The following SBF2 variants were observed in gnomAD, a reference collection of about 807,000 sequenced individuals.
The protein encoded by SBF2 is myotubularin-related protein 13.
A neutral mutation model predicts 225.2 loss-of-function variants in SBF2; 112 were observed. That is an observed-to-expected ratio of 0.50 (90% CI 0.43 to 0.58). SBF2 has a LOEUF of 0.58. Ranked by LOEUF, SBF2 falls within the 20% of genes least tolerant of loss-of-function variation. SBF2 has a pLI of 0.00. For synonymous variants in SBF2, 763 were observed against 773.3 expected, an observed-to-expected ratio of 0.99 and a Z score of 0.22; for missense variants, 1,996 against 2,206.2, an observed-to-expected ratio of 0.90 and a Z score of 1.91.
chr11:10,249,502 C>T (rs919050162), intron 1 of SBF2, among the ~76,000 whole-genome samples: 2 of 150,852 alleles, frequency 1.3e-5, no homozygotes, highest in African/African-American at 4.9e-5. Flanking sequence ...AAAGCTAAGT[C>T]TTCCCTCTAT....
intron 2 of SBF2, among the ~76,000 whole-genome samples, chr11:10,054,959 G>C (rs1950200087): frequency 6.6e-6 from 1 of 152,006 alleles, no homozygotes; most frequent in Non-Finnish European, 1.5e-5. Context: ...ACCCAAGCTG[G>C]AGTGCGGTGG....
chr11:10,208,791 G>A (rs908960591), intron 1 of SBF2, among the ~76,000 whole-genome samples: 2 of 151,950 alleles, frequency 1.3e-5, no homozygotes, highest in African/African-American at 4.8e-5. Flanking sequence ...TATATTGGTA[G>A]TATCTATAAA....
intron 16 of SBF2, among the ~76,000 whole-genome samples, chr11:9,949,939 T>C (rs1168208945): frequency 1.3e-5 from 2 of 152,168 alleles, no homozygotes; most frequent in African/African-American, 2.4e-5. Context: ...CCACAATGTA[T>C]ACATACTTCA....
chr11:9,953,138 G>A (rs1309841252), intron 16 of SBF2, among the ~76,000 whole-genome samples: 1 of 152,216 alleles, frequency 6.6e-6, no homozygotes, highest in Non-Finnish European at 1.5e-5. Context: ...CAATCAATGA[G>A]TGGATAAAGA....
chr11:9,900,016 T>A (rs2134148708), intron 16 of SBF2, among the ~76,000 whole-genome samples: 1 of 143,246 alleles, frequency 7.0e-6, no homozygotes, highest in Non-Finnish European at 1.5e-5. Flanking sequence ...TTAAACAAGG[T>A]TTTCCTTTTC....
intron 2 of SBF2, among the ~76,000 whole-genome samples, chr11:10,129,765 A>G (rs538594091): frequency 6.6e-6 from 1 of 152,268 alleles, no homozygotes; most frequent in South Asian, 2.1e-4. Flanking sequence ...GCAGTTTGGG[A>G]GGCCAAAACA....
chr11:10,147,087 T>C (rs1591065723), intron 2 of SBF2, among the ~76,000 whole-genome samples: 1 of 149,318 alleles, frequency 6.7e-6, no homozygotes, highest in South Asian at 2.1e-4. Flanking sequence ...GACAAGGTTG[T>C]GGAGAAAAGG....
At chr11:9,895,696 G>T (rs553014440) in intron 17 of SBF2, among the ~76,000 whole-genome samples, 145 of 152,268 alleles carry the variant, frequency 9.5e-4, no homozygotes, top group Non-Finnish European at 3.4e-4. Flanking sequence ...CAGGTGTTAT[G>T]AAGTACTATA....
intron 16 of SBF2, among the ~76,000 whole-genome samples, chr11:9,914,046 C>G (rs1217547001): frequency 6.6e-6 from 1 of 152,062 alleles, no homozygotes; most frequent in Non-Finnish European, 1.5e-5. Flanking sequence ...ATTTGGCTAT[C>G]AAGATAAAAT....
intron 3 of SBF2, among the ~76,000 whole-genome samples, chr11:10,042,514 C>G (rs1397382450): frequency 6.6e-6 from 1 of 152,128 alleles, no homozygotes; most frequent in African/African-American, 2.4e-5. Context: ...GTTCCACATT[C>G]TATGAAAGAC....
chr11:10,109,265 A>G (rs1388335105), intron 2 of SBF2, among the ~76,000 whole-genome samples: 1 of 152,186 alleles, frequency 6.6e-6, no homozygotes, highest in African/African-American at 2.4e-5. Context: ...AAAATATATT[A>G]CATGTTAAAG....
chr11:10,228,812 C>T (rs1006288846), intron 1 of SBF2, among the ~76,000 whole-genome samples: 1 of 152,158 alleles, frequency 6.6e-6, no homozygotes, highest in Non-Finnish European at 1.5e-5. Context: ...GCTTTGGTAT[C>T]AGGATGATGC....
intron 16 of SBF2, among the ~76,000 whole-genome samples, chr11:9,938,215 C>T (rs559531918): frequency 1.5e-4 from 22 of 151,676 alleles, no homozygotes; most frequent in South Asian, 8.3e-4. Context: ...GGTGAGAACC[C>T]GGCAGGTGGA....
chr11:10,202,447 T>C (rs1229254730), intron 1 of SBF2, among the ~76,000 whole-genome samples: 3 of 152,188 alleles, frequency 2.0e-5, no homozygotes, highest in African/African-American at 7.2e-5. Context: ...CTAATTTCTC[T>C]GATCAAAATA....
intron 3 of SBF2, among the ~76,000 whole-genome samples, chr11:10,036,770 A>C (rs1590809897): frequency 6.6e-6 from 1 of 152,330 alleles, no homozygotes; most frequent in East Asian, 1.9e-4. Flanking sequence ...ATATTAGTTA[A>C]AATAAGCTGT....
At chr11:10,191,282 C>T (rs554052581) in intron 2 of SBF2, among the ~76,000 whole-genome samples, 5 of 152,002 alleles carry the variant, frequency 3.3e-5, no homozygotes, top group African/African-American at 4.8e-5. Flanking sequence ...GTCTTGAAGC[C>T]GCAGGGTTAC....
chr11:10,289,637 T>G (rs1439750249), intron 1 of SBF2, among the ~76,000 whole-genome samples: 1 of 151,958 alleles, frequency 6.6e-6, no homozygotes, highest in Non-Finnish European at 1.5e-5. Context: ...TGATGCAGGG[T>G]GGACCCCAGG....
chr11:9,942,806 G>A (rs1373318296), intron 16 of SBF2, among the ~76,000 whole-genome samples: 1 of 151,008 alleles, frequency 6.6e-6, no homozygotes, highest in Non-Finnish European at 1.5e-5. Flanking sequence ...ACTGAAGCCT[G>A]GGCGACAGAG....
chr11:10,293,948 G>A (rs1036270180), intron 1 of SBF2, 67 bp downstream of exon 1: 21 of 1,178,038 alleles, frequency 1.8e-5, no homozygotes, highest in Non-Finnish European at 2.2e-5. Context: ...GCCCGGCCCC[G>A]CGGAGCCCAC....
Sources: allele counts gnomAD v4.1 joint callset (sites outside exome capture counted in the v4.1 genomes callset), GRCh38; gene constraint gnomAD v4.1.1; transcripts MANE v1.5; gene names NCBI Gene and HGNC (gene_info 2026-07-23, HGNC 2026-07-21).